The following SAMMSON variants were observed in gnomAD, a reference collection of about 807,000 sequenced individuals.
SAMMSON encodes the protein survival associated mitochondrial melanoma specific oncogenic non-coding RNA, also known as long intergenic non-protein coding RNA 1212.
intron 2 of SAMMSON, among the ~76,000 whole-genome samples, chr3:70,399,891 C>T (rs1207665927): frequency 4.0e-5 from 6 of 148,266 alleles, no homozygotes; most frequent in Admixed American, 3.3e-4. Flanking sequence ...AAAAACCCAC[C>T]AAACCAAAAC....
At chr3:70,000,285 G>A (rs1355520519) in intron 1 of SAMMSON, among the ~76,000 whole-genome samples, 1 of 152,184 alleles carries the variant, frequency 6.6e-6, no homozygotes, top group East Asian at 1.9e-4. Flanking sequence ...GGTCTGAGCA[G>A]CGGGGCGCTG....
At chr3:70,339,315 G>C (rs1702691956) in intron 7 of SAMMSON, among the ~76,000 whole-genome samples, 1 of 152,128 alleles carries the variant, frequency 6.6e-6, no homozygotes, top group African/African-American at 2.4e-5. Context: ...AGAAAACCTA[G>C]ACAGTACCAT....
intron 3 of SAMMSON, among the ~76,000 whole-genome samples, chr3:70,016,590 A>G (rs1177676082): frequency 2.0e-5 from 3 of 152,046 alleles, no homozygotes; most frequent in South Asian, 2.1e-4. Context: ...CTTTAGTTTA[A>G]TTAGATCCCA....
chr3:70,125,792 G>C, intron 4 of SAMMSON: 3 of 658,668 alleles, frequency 4.6e-6, no homozygotes, highest in Non-Finnish European at 8.2e-6. Context: ...ACATGGCGCT[G>C]CCTTATTGTT....
rs144648984 is a variant in SAMMSON, at chr3:70,426,357, T to G, written n.234-36203T>G. On this transcript the variant is annotated intron_variant and non_coding_transcript_variant, in intron 2 of 3. Transcript: ENST00000641053. ...ACAATAGTATATTGCAAACAACCAC[T>G]ATGACTGAAGCAGAGATTGGAAGAG... 3.9e-4 allele frequency among the ~76,000 whole-genome samples: 59 copies of G among 152,304 alleles called. 1 individual carries two copies. Among genetic ancestry groups the G allele is most frequent in the African/African-American group, 1.3e-3 (54 of 41,568 alleles).
intron 4 of SAMMSON, chr3:70,137,589 T>C (rs2067511132): frequency 6.6e-6 from 1 of 152,208 alleles, no homozygotes. Flanking sequence ...TTTCTGGCTC[T>C]TTACAGAAAA....
intron 4 of SAMMSON, chr3:70,127,554 C>A (rs2067464684): frequency 6.6e-6 from 1 of 152,128 alleles, no homozygotes; most frequent in African/African-American, 2.4e-5. Flanking sequence ...TTTTTATTAA[C>A]AAATATAAAT....
intron 2 of SAMMSON, among the ~76,000 whole-genome samples, chr3:70,395,220 C>A (rs1188220211): frequency 1.3e-5 from 2 of 151,988 alleles, no homozygotes; most frequent in African/African-American, 4.8e-5. Flanking sequence ...TCTCTATTGT[C>A]CGCTCCATTC....
intron 3 of SAMMSON, among the ~76,000 whole-genome samples, chr3:70,050,698 C>T (rs2067142726): frequency 6.6e-6 from 1 of 152,024 alleles, no homozygotes; most frequent in Non-Finnish European, 1.5e-5. Flanking sequence ...AATGATAATT[C>T]AGTGATCAAT....
intron 6 of SAMMSON, among the ~76,000 whole-genome samples, chr3:70,289,960 TC>T (rs1337193882): frequency 6.6e-6 from 1 of 152,106 alleles, no homozygotes; most frequent in Non-Finnish European, 1.5e-5. Flanking sequence ...TATACATTCT[TC>T]TAAATTCTTT....
At chr3:70,127,244 A>T (rs2067462954) in intron 4 of SAMMSON, 1 of 152,222 alleles carries the variant, frequency 6.6e-6, no homozygotes, top group African/African-American at 2.4e-5. Flanking sequence ...TAAAATGTTT[A>T]CATCCATACT....
chr3:70,169,891 G>C (rs2067654973), intron 4 of SAMMSON, among the ~76,000 whole-genome samples: 1 of 151,930 alleles, frequency 6.6e-6, no homozygotes, highest in African/African-American at 2.4e-5. Flanking sequence ...TAGGGTTCAT[G>C]TTCAGAAGGT....
intron 3 of SAMMSON, among the ~76,000 whole-genome samples, chr3:70,045,942 G>T (rs148216120): frequency 2.3e-3 from 346 of 152,132 alleles, no homozygotes; most frequent in Admixed American, 4.1e-3. Flanking sequence ...AACGAGAAAC[G>T]CAAGGAGAAA....
intron 2 of SAMMSON, among the ~76,000 whole-genome samples, chr3:70,430,361 C>T (rs768926026): frequency 6.6e-6 from 1 of 151,942 alleles, no homozygotes; most frequent in African/African-American, 2.4e-5. Context: ...CTGCTGGATT[C>T]GGTATGCCAC....
At chr3:70,176,861 A>G (rs1701013314) in intron 4 of SAMMSON, among the ~76,000 whole-genome samples, 2 of 152,208 alleles carry the variant, frequency 1.3e-5, no homozygotes, top group Admixed American at 1.3e-4. Context: ...GAAATACTTG[A>G]TAAGGGCTTA....
chr3:70,338,915 T>G (rs1398063129), intron 7 of SAMMSON, among the ~76,000 whole-genome samples: 2 of 152,074 alleles, frequency 1.3e-5, no homozygotes, highest in Admixed American at 1.3e-4. Context: ...AAAGTTCACA[T>G]GGAACCAAAA....
chr3:70,289,237 T>C, intron 6 of SAMMSON, among the ~76,000 whole-genome samples: 8 of 149,990 alleles, frequency 5.3e-5, no homozygotes, highest in African/African-American at 4.9e-5. Flanking sequence ...CTTCAGGAGC[T>C]CTTTTAGGGC....
chr3:70,230,059 C>T (rs1009178412), intron 4 of SAMMSON, among the ~76,000 whole-genome samples: 2 of 152,144 alleles, frequency 1.3e-5, no homozygotes, highest in East Asian at 3.9e-4. Context: ...TTGCTGCCAT[C>T]CCCATTAAAA....
At chr3:70,297,328 T>C (rs1030772899) in intron 7 of SAMMSON, among the ~76,000 whole-genome samples, 1 of 152,038 alleles carries the variant, frequency 6.6e-6, no homozygotes, top group African/African-American at 2.4e-5. Context: ...TAGATAGAGA[T>C]TGTGAGATGC....
Sources: allele counts gnomAD v4.1 joint callset (sites outside exome capture counted in the v4.1 genomes callset), GRCh38; gene constraint gnomAD v4.1.1; transcripts MANE v1.5; gene names NCBI Gene and HGNC (gene_info 2026-07-23, HGNC 2026-07-21).